The following RBFOX1 variants were observed in gnomAD, a reference collection of about 807,000 sequenced individuals.
The protein encoded by RBFOX1 is RNA binding protein fox-1 homolog 1.
RBFOX1 carries 8 observed loss-of-function variants against 57.7 expected under a neutral mutation model. The ratio of observed to expected loss-of-function variants is 0.14; its 90% CI spans 0.08 to 0.25. RBFOX1 has a LOEUF of 0.25. RBFOX1 is among the 10% of genes least tolerant of loss of function. The pLI is 1.00. For missense variants in RBFOX1, 611 were observed against 548.5 expected, an observed-to-expected ratio of 1.11 and a Z score of -1.14; for synonymous variants, 326 against 222.4, an observed-to-expected ratio of 1.47 and a Z score of -4.15.
At chr16:6,779,443 A>C (rs993983710) in intron 3 of RBFOX1, among the ~76,000 whole-genome samples, 1 of 151,800 alleles carries the variant, frequency 6.6e-6, no homozygotes, top group Admixed American at 6.6e-5. Context: ...TTGATTTCAT[A>C]ACTTGGCTGT....
intron 3 of RBFOX1, among the ~76,000 whole-genome samples, chr16:6,683,543 T>G (rs551794814): frequency 6.6e-6 from 1 of 152,338 alleles, no homozygotes; most frequent in East Asian, 1.9e-4. Flanking sequence ...GCTTTTGTTT[T>G]GTTTTCGTTA....
At position 5,240,146 on chromosome 16, in the gene RBFOX1, G is replaced by A. The variant is rs754984173; in HGVS notation, c.219+41G>A. On this transcript the variant is annotated intron_variant, in intron 1 of 2. Coordinates refer to the RBFOX1 transcript ENST00000585867. ...GCGGGGGTCCGGGGGTGCCGGGGGC[G>A]CGGGGGTGCCGGAGACGCGGGGTAG... The A allele has an allele frequency of 7.6e-6, 10 of 1,318,006 alleles. 1 individual carries two copies. In the South Asian group the frequency reaches 1.0e-4, roughly 13 times the overall value. 81.6% of individuals were successfully genotyped at this position (1,318,006 alleles called of 1,614,324 possible).
chr16:7,616,592 C>T lies in RBFOX1; in HGVS notation c.676+9254C>T, dbSNP rs185541657. Among the ~76,000 whole-genome samples, 378 of 152,308 alleles carry T rather than the reference C, an allele frequency of 2.5e-3. 1 individual carries two copies. Among genetic ancestry groups the T allele is most frequent in the Non-Finnish European group, 4.1e-3 (278 of 68,024 alleles). ...TGTTTTTGTTTTTGGGATGGAGTCT[C>T]TCACTCTGTCACCTAGGCTGGAGTG... On this transcript the variant is annotated intron_variant, in intron 10 of 15. Coordinates refer to ENST00000550418, the MANE Select transcript of RBFOX1 (RefSeq NM_018723.4).
intron 1 of RBFOX1, among the ~76,000 whole-genome samples, chr16:6,233,671 C>G (rs931106488): frequency 6.6e-6 from 1 of 152,202 alleles, no homozygotes; most frequent in South Asian, 2.1e-4. Context: ...CACAGTAGAG[C>G]AATCATAGCT....
At chr16:6,787,756 C>G (rs946233076) in intron 3 of RBFOX1, among the ~76,000 whole-genome samples, 1 of 152,182 alleles carries the variant, frequency 6.6e-6, no homozygotes, top group African/African-American at 2.4e-5. Context: ...CTGGCTTAAT[C>G]CCCAAAACCT....
At chr16:7,148,409 T>G (rs2075456020) in intron 4 of RBFOX1, among the ~76,000 whole-genome samples, 3 of 152,202 alleles carry the variant, frequency 2.0e-5, no homozygotes, top group Admixed American at 6.5e-5. Context: ...CTTTTGAATT[T>G]TCACCTCATC....
intron 3 of RBFOX1, among the ~76,000 whole-genome samples, chr16:6,785,435 G>A (rs2081785998): frequency 6.6e-6 from 1 of 152,108 alleles, no homozygotes; most frequent in African/African-American, 2.4e-5. Flanking sequence ...AAACTGCATT[G>A]ATCCTTAGGA....
chr16:7,029,274 G>A lies in RBFOX1; in HGVS notation c.-15-22783G>A, dbSNP rs1285535573. On this transcript the variant is annotated intron_variant, in intron 3 of 15. Coordinates refer to ENST00000550418, the MANE Select transcript of RBFOX1 (RefSeq NM_018723.4). ...TATACACACATATATATACGTATAC[G>A]TATATATATACACATATATATATAC... Among the ~76,000 whole-genome samples the A allele has an allele frequency of 1.2e-4, 16 of 131,298 alleles. 1 individual carries two copies. Among genetic ancestry groups the A allele is most frequent in the Middle Eastern group, 4.0e-3 (1 of 252 alleles). 86.1% of individuals were successfully genotyped at this position (131,298 alleles called of 152,430 possible). A position where few individuals can be genotyped will look rare whatever the true frequency, so the allele number is the denominator to read the frequency against.
intron 4 of RBFOX1, among the ~76,000 whole-genome samples, chr16:7,168,783 C>T (rs554223646): frequency 1.3e-5 from 2 of 152,180 alleles, no homozygotes; most frequent in African/African-American, 4.8e-5. Flanking sequence ...CATCCAAATA[C>T]AACAATTTTG....
At chr16:5,642,317 T>G (rs1324332648) in intron 3 of RBFOX1, among the ~76,000 whole-genome samples, 1 of 152,204 alleles carries the variant, frequency 6.6e-6, no homozygotes, top group Non-Finnish European at 1.5e-5. Flanking sequence ...GCTGTGCGAA[T>G]TACCCGAAAT....
intron 1 of RBFOX1, among the ~76,000 whole-genome samples, chr16:6,253,406 C>G (rs898749722): frequency 5.3e-5 from 8 of 152,152 alleles, no homozygotes; most frequent in Admixed American, 3.3e-4. Flanking sequence ...CACAGCAAAC[C>G]TTCATAGGTA....
At chr16:6,682,399 A>G (rs2286969) in intron 3 of RBFOX1, among the ~76,000 whole-genome samples, 4,419 of 151,166 alleles carry the variant, frequency 0.029, 122 homozygotes, top group South Asian at 0.1. Context: ...TCTTGGGGAA[A>G]TTGTGAAGAC....
chr16:6,935,266 C>T (rs758492945), intron 3 of RBFOX1, among the ~76,000 whole-genome samples: 2 of 152,100 alleles, frequency 1.3e-5, no homozygotes, highest in Non-Finnish European at 2.9e-5. Flanking sequence ...TGGTTCCTGG[C>T]ATGTAGCAGA....
intron 3 of RBFOX1, among the ~76,000 whole-genome samples, chr16:6,947,637 T>C (rs894270847): frequency 2.6e-5 from 4 of 152,232 alleles, no homozygotes; most frequent in African/African-American, 4.8e-5. Flanking sequence ...CCAGACAGAA[T>C]GGATTTAAGT....
intron 2 of RBFOX1, among the ~76,000 whole-genome samples, chr16:6,510,082 G>C (rs2096219589): frequency 6.6e-6 from 1 of 152,146 alleles, no homozygotes; most frequent in Admixed American, 6.6e-5. Flanking sequence ...GATGCTTATA[G>C]TTACTGAAAG....
intron 3 of RBFOX1, among the ~76,000 whole-genome samples, chr16:6,794,861 T>C (rs1179158292): frequency 6.6e-6 from 1 of 152,148 alleles, no homozygotes; most frequent in Non-Finnish European, 1.5e-5. Context: ...AAGGGCTTTT[T>C]TCCCCCTATG....
chr16:7,617,692 G>A (rs568067503), intron 10 of RBFOX1, among the ~76,000 whole-genome samples: 2 of 152,130 alleles, frequency 1.3e-5, no homozygotes, highest in Non-Finnish European at 2.9e-5. Flanking sequence ...ATAGTATCGG[G>A]CGCTAGACAC....
chr16:5,363,644 T>C (rs1036146852), intron 1 of RBFOX1, among the ~76,000 whole-genome samples: 1 of 152,176 alleles, frequency 6.6e-6, no homozygotes, highest in African/African-American at 2.4e-5. Flanking sequence ...CTTGTACTAA[T>C]GAATCATGAC....
chr16:7,203,022 G>A (rs1031340969), intron 4 of RBFOX1, among the ~76,000 whole-genome samples: 5 of 152,244 alleles, frequency 3.3e-5, no homozygotes, highest in Admixed American at 1.3e-4. Flanking sequence ...TCCTGACCTC[G>A]TGATCCGCCT....
Sources: allele counts gnomAD v4.1 joint callset (sites outside exome capture counted in the v4.1 genomes callset), GRCh38; gene constraint gnomAD v4.1.1; transcripts MANE v1.5; gene names NCBI Gene and HGNC (gene_info 2026-07-23, HGNC 2026-07-21).